The following OSER1 variants were observed in gnomAD, a reference collection of about 807,000 sequenced individuals.
OSER1 encodes the protein oxidative stress responsive serine rich 1.
Under a neutral mutation model 26.3 loss-of-function variants are expected in OSER1, and 15 were observed. That is an observed-to-expected ratio of 0.57 (90% CI 0.38 to 0.88). OSER1 has a LOEUF of 0.88. Ranked by LOEUF, OSER1 falls within the 40% of genes least tolerant of loss-of-function variation. The probability of loss-of-function intolerance (pLI) is 0.00; values close to 1 mark genes in which losing one functional copy is unlikely to be tolerated. For missense variants in OSER1, 313 were observed against 353.9 expected (o/e 0.88, Z 0.93); for synonymous variants, 127 against 128.2 (o/e 0.99, Z 0.07).
chr20:44,206,418 T>C (rs1459144629), intron 2 of OSER1, among the ~76,000 whole-genome samples: 3 of 152,212 alleles, frequency 2.0e-5, no homozygotes, highest in Non-Finnish European at 4.4e-5. Context: ...AGGTTATTGA[T>C]CTCAGTGACA....
At chr20:44,201,502 A>G (rs562248713) in intron 3 of OSER1, among the ~76,000 whole-genome samples, 1 of 152,364 alleles carries the variant, frequency 6.6e-6, no homozygotes, top group South Asian at 2.1e-4. Flanking sequence ...GGAAAAAAGT[A>G]AGTGATTGTA....
chr20:44,210,601 G>C (rs1197384658), intron 1 of OSER1, 95 bp downstream of exon 1: 1 of 152,384 alleles, frequency 6.6e-6, no homozygotes, highest in Non-Finnish European at 1.5e-5. Flanking sequence ...GCGACCCAAG[G>C]CGGGCGGGCC....
At chr20:44,206,255 T>C (rs920770187) in intron 2 of OSER1, among the ~76,000 whole-genome samples, 3 of 152,238 alleles carry the variant, frequency 2.0e-5, no homozygotes, top group Non-Finnish European at 4.4e-5. Flanking sequence ...AAAGAAATTC[T>C]TATATCCATT....
At chr20:44,203,937 G>C (rs1375479633) in intron 2 of OSER1, among the ~76,000 whole-genome samples, 3 of 152,134 alleles carry the variant, frequency 2.0e-5, no homozygotes, top group Non-Finnish European at 4.4e-5. Flanking sequence ...TAGAAATTAA[G>C]TGTACAAAGA....
Position 44,197,610 on chromosome 20 carries a change from C to T in OSER1, c.321G>A (p.Lys107=), listed in dbSNP as rs529359405. The T allele has an allele frequency of 6.2e-7, 1 of 1,614,180 alleles. No homozygotes were observed. The highest frequency in any genetic ancestry group is 1.3e-5 in the African/African-American group (1 of 75,044). ...TIASSSSSQL[K]HKSQTDSPDG... ...CAGGTGAGTCAGTCTGGCTTTTGTG[C>T]TTGAGTTGACTGCTGGAAGAAGACG... Residue 107 remains lysine (K), a synonymous_variant, in exon 4 of 4, where the codon AAG becomes AAA. Coordinates refer to ENST00000255174, the MANE Select transcript of OSER1 (RefSeq NM_016470.8).
Position 44,197,035 on chromosome 20 carries a change from G to C in OSER1, c.*17C>G. On this transcript the variant is annotated 3_prime_UTR_variant, in exon 4 of 4. Transcript: ENST00000255174. ...AAGCCTTCATTGGTTTAAAGCATAT[G>C]AATTAGCTTCTTGCTATCAGGTGTA... The C allele has an allele frequency of 6.4e-7, 1 of 1,564,078 alleles. No homozygotes were observed. The highest frequency in any genetic ancestry group is 8.8e-7 in the Non-Finnish European group (1 of 1,136,012).
intron 2 of OSER1, among the ~76,000 whole-genome samples, chr20:44,203,644 C>T (rs2073006496): frequency 6.6e-6 from 1 of 151,438 alleles, no homozygotes; most frequent in East Asian, 1.9e-4. Context: ...TACCTCACAA[C>T]CCAGAGACTA....
In OSER1 at chr20:44,197,447, T is replaced by C; in HGVS notation, c.484A>G (p.Lys162Glu). The change falls in exon 4 of 4, where the codon AAG becomes GAG. Residue 162 changes from lysine to glutamate, a missense_variant. Around this residue, in one of 2 missense-constraint regions of OSER1, gnomAD observed 300 missense variants for 318.3 expected, o/e 0.94. Coordinates refer to ENST00000255174, the MANE Select transcript of OSER1 (RefSeq NM_016470.8). Reference sequence around the variant, plus strand: ...GTAGCGTCAGAGGAGTCTTCCTTCTTACTCTCTGATGGGAGCCTTGGAACA... The same window carrying C: ...GTAGCGTCAGAGGAGTCTTCCTTCTCACTCTCTGATGGGAGCCTTGGAACA... ...TSVPRLPSES[K>E]KEDSSDATQV... 2 of 1,614,204 alleles carry C rather than the reference T, an allele frequency of 1.2e-6. No individual in the cohort carries two copies. Among genetic ancestry groups the C allele is most frequent in the Admixed American group, 1.7e-5 (1 of 60,022 alleles).
chr20:44,199,294 T>C (rs541206717), intron 3 of OSER1, among the ~76,000 whole-genome samples: 7 of 152,264 alleles, frequency 4.6e-5, no homozygotes, highest in East Asian at 3.9e-4. Context: ...TAAAGGGTTA[T>C]TGAGGGACAG....
In OSER1 at chr20:44,197,011, A is replaced by G; in HGVS notation, c.*41T>C. 2.1e-6 allele frequency: 3 copies of G among 1,402,672 alleles called. No individual in the cohort carries two copies. The highest frequency in any genetic ancestry group is 3.0e-6 in the Non-Finnish European group (3 of 996,994). 86.9% of individuals were successfully genotyped at this position (1,402,672 alleles called of 1,614,324 possible). On this transcript the variant is annotated 3_prime_UTR_variant, in exon 4 of 4. Coordinates refer to ENST00000255174, the MANE Select transcript of OSER1 (RefSeq NM_016470.8). ...TGCCATTAACTAAATCTCTTTGACA[A>G]GCCTTCATTGGTTTAAAGCATATGA...
chr20:44,197,563 A>G lies in OSER1; in HGVS notation c.368T>C (p.Ile123Thr). Residue 123 changes from isoleucine to threonine, a missense_variant, in exon 4 of 4, where the codon ATT becomes ACT. Around this residue, in one of 2 missense-constraint regions of OSER1, gnomAD observed 300 missense variants for 318.3 expected, o/e 0.94. Transcript: ENST00000255174. ...DSPDGSSGLG[I>T]SSPKEFSAGE... Reference sequence around the variant, plus strand: ...TGCACTGAACTCTTTAGGGGATGAAATTCCCAGCCCACTGCTGCCATCAGG... The same window carrying G: ...TGCACTGAACTCTTTAGGGGATGAAGTTCCCAGCCCACTGCTGCCATCAGG... 1 of 1,614,160 alleles carries G rather than the reference A, an allele frequency of 6.2e-7. No individual in the cohort carries two copies. The highest frequency in any genetic ancestry group is 8.5e-7 in the Non-Finnish European group (1 of 1,180,026).
chr20:44,204,573 T>C (rs970655748), intron 2 of OSER1, among the ~76,000 whole-genome samples: 4 of 152,306 alleles, frequency 2.6e-5, no homozygotes, highest in South Asian at 4.1e-4. Context: ...ATACACAGGA[T>C]TGTTCATGGG....
Position 44,207,016 on chromosome 20 carries a change from G to C in OSER1, c.-41-18C>G, listed in dbSNP as rs928384694. 7 of 1,256,792 alleles carry C rather than the reference G, an allele frequency of 5.6e-6. No individual in the cohort carries two copies. The highest frequency in any genetic ancestry group is 1.5e-5 in the African/African-American group (1 of 67,140). 77.9% of individuals were successfully genotyped at this position (1,256,792 alleles called of 1,614,324 possible). A position where few individuals can be genotyped will look rare whatever the true frequency, so the allele number is the denominator to read the frequency against. ...TGTTTACACTAAAAAAGAAAATAAA[G>C]TGAGCAAAGTAAAAACAGGTGGGAT... is the stretch of plus-strand genomic sequence containing the variant. On this transcript the variant is annotated intron_variant, in intron 1 of 3. Transcript: ENST00000255174.
At chr20:44,211,228 A>G (rs1168982348), upstream of OSER1, 1 of 152,326 alleles carries the variant, frequency 6.6e-6, no homozygotes, top group African/African-American at 2.4e-5. Flanking sequence ...TATGGCAGAC[A>G]ATCCCCGGCT....
rs148172415 is a variant in OSER1, at chr20:44,205,183, G to A, written c.77+1698C>T. On this transcript the variant is annotated intron_variant, in intron 2 of 3. Coordinates refer to ENST00000255174, the MANE Select transcript of OSER1 (RefSeq NM_016470.8). ...TCTTAAAACATCAGGAAAGAAGTCC[G>A]TGTATCAAGAGTTACTTATACAAAA... is the stretch of plus-strand genomic sequence containing the variant. Among the ~76,000 whole-genome samples the A allele has an allele frequency of 2.9e-3, 445 of 152,286 alleles. 4 individuals carry two copies. The highest frequency in any genetic ancestry group is 0.01 in the African/African-American group (418 of 41,558).
intron 1 of OSER1, among the ~76,000 whole-genome samples, 157 bp downstream of exon 1, chr20:44,210,539 G>A (rs1053837407): frequency 5.9e-5 from 9 of 152,196 alleles, no homozygotes; most frequent in African/African-American, 2.2e-4. Flanking sequence ...GGCAGATAAG[G>A]GGGCGCGGAG....
At chr20:44,208,700 G>A (rs1429362398) in intron 1 of OSER1, among the ~76,000 whole-genome samples, 1 of 152,084 alleles carries the variant, frequency 6.6e-6, no homozygotes. Context: ...GAGTACTATT[G>A]CAGGTTGTAA....
intron 1 of OSER1, among the ~76,000 whole-genome samples, chr20:44,209,794 C>T (rs1045985206): frequency 2.0e-5 from 3 of 152,136 alleles, no homozygotes; most frequent in African/African-American, 4.8e-5. Context: ...CCTTGAATCC[C>T]AAGCCTAGGT....
chr20:44,207,707 A>G (rs1391069026), intron 1 of OSER1: 1 of 152,250 alleles, frequency 6.6e-6, no homozygotes, highest in South Asian at 2.1e-4. Flanking sequence ...AAAACAAACA[A>G]ACTTCTCTTT....
Sources: allele counts gnomAD v4.1 joint callset (sites outside exome capture counted in the v4.1 genomes callset), GRCh38; gene constraint gnomAD v4.1.1; regional missense constraint gnomAD v4.1.1; transcripts MANE v1.5; gene names NCBI Gene and HGNC (gene_info 2026-07-23, HGNC 2026-07-21).